ADGRB1: variants seen among roughly 807,000 people sequenced by gnomAD.
The protein encoded by ADGRB1 is brain-specific angiogenesis inhibitor 1.
A neutral mutation model predicts 175.7 loss-of-function variants in ADGRB1; 36 were observed. The observed-to-expected ratio is 0.20, with a 90% CI of 0.16 to 0.27. The LOEUF (loss-of-function observed/expected upper bound fraction) is 0.27, where lower values mean the gene tolerates loss of function less well. Among genes scored for constraint, ADGRB1 ranks in the 10% least tolerant of loss-of-function variants. The pLI is 1.00. For synonymous variants in ADGRB1, 1,054 were observed against 979.4 expected (o/e 1.08, Z -1.42); for missense variants, 1,731 against 2,255.3 (o/e 0.77, Z 4.71).
At chr8:142,469,151 GCGTGCA>G (rs1232496090) in intron 2 of ADGRB1, among the ~76,000 whole-genome samples, 2 of 21,194 alleles carry the variant, frequency 9.4e-5, no homozygotes, top group Admixed American at 6.3e-4. Context: ...GTGTGTGCAT[GCGTGCA>G]TGTGTGTGTG....
Position 142,527,714 on chromosome 8 carries a change from C to T in ADGRB1, c.3398+1087C>T, listed in dbSNP as rs143172120. ...CACTCAGAAGAGGTCCCCAGGGCTA[C>T]ACATCCAGGGTCTGAGCATGGCAGA... On this transcript the variant is annotated intron_variant, in intron 24 of 30. Transcript: ENST00000517894. Among the ~76,000 whole-genome samples the T allele has an allele frequency of 2.2e-3, 340 of 152,342 alleles. 1 individual carries two copies. Among genetic ancestry groups the T allele is most frequent in the African/African-American group, 7.6e-3 (316 of 41,578 alleles).
At chr8:142,501,698 G>A (rs1587358050) in intron 17 of ADGRB1, among the ~76,000 whole-genome samples, 1 of 126,130 alleles carries the variant, frequency 7.9e-6, no homozygotes, top group Non-Finnish European at 1.7e-5. Context: ...GATGGAGGTG[G>A]GGTGGTGGTG....
intron 24 of ADGRB1, 133 bp from the exon 25 acceptor site, chr8:142,533,162 G>T: frequency 9.6e-7 from 1 of 1,043,706 alleles, no homozygotes; most frequent in Non-Finnish European, 1.3e-6. Flanking sequence ...AGGGCTGCTT[G>T]GCCCAGGCCC....
intron 20 of ADGRB1, 108 bp downstream of exon 20, chr8:142,521,033 G>T: frequency 9.0e-7 from 1 of 1,108,956 alleles, no homozygotes; most frequent in Non-Finnish European, 1.3e-6. Flanking sequence ...CAGGCAGGCG[G>T]GTGTGGGGGC....
intron 23 of ADGRB1, among the ~76,000 whole-genome samples, chr8:142,525,717 G>A (rs1037752404): frequency 2.0e-5 from 3 of 152,210 alleles, no homozygotes; most frequent in African/African-American, 7.2e-5. Flanking sequence ...GAAATGCCTG[G>A]TCAGGGGTCC....
At chr8:142,461,788 G>A (rs1384872780) in intron 1 of ADGRB1, among the ~76,000 whole-genome samples, 1 of 152,192 alleles carries the variant, frequency 6.6e-6, no homozygotes, top group Non-Finnish European at 1.5e-5. Context: ...ATTGCCTGGG[G>A]CCTCCTTTGC....
Position 142,484,026 on chromosome 8 carries a change from A to T in ADGRB1, c.2180A>T (p.Lys727Met), listed in dbSNP as rs1197819609. The T allele has an allele frequency of 6.2e-7, 1 of 1,612,846 alleles. No individual in the cohort carries two copies. The highest frequency in any genetic ancestry group is 1.7e-5 in the Admixed American group (1 of 59,852). ...SNLLAEENRD[K>M]WEEAQLAGPN... ...CTGTTGGCAGAGGAGAATCGGGACA[A>T]GTGGGAGGAGGCCCAGCTGGTAGGG... The change falls in exon 12 of 31, where the codon AAG (lysine) becomes ATG (methionine). Residue 727 changes from lysine (K) to methionine (M), a missense_variant. Physicochemically the swap from Lys to Met is moderately conservative, Grantham distance 95. Around this residue, in one of 8 missense-constraint regions of ADGRB1, gnomAD observed 388 missense variants for 630.9 expected, o/e 0.61. Coordinates refer to ENST00000517894, the MANE Select transcript of ADGRB1 (RefSeq NM_001702.3).
intron 3 of ADGRB1, 66 bp from the exon 4 acceptor site, chr8:142,476,519 G>A: frequency 2.1e-6 from 3 of 1,434,176 alleles, no homozygotes; most frequent in Non-Finnish European, 2.9e-6. Flanking sequence ...TCAGAGCACT[G>A]TGGCCACAGA....
chr8:142,544,596 G>A lies in ADGRB1; in HGVS notation c.*179G>A. On this transcript the variant is annotated 3_prime_UTR_variant, in exon 31 of 31. Coordinates refer to ENST00000517894, the MANE Select transcript of ADGRB1 (RefSeq NM_001702.3). ...AGTGCTGGGACCAGAGCCAGATGCA[G>A]GACAGGAGGCGGCCCGGCCAGCGGG... is the stretch of plus-strand genomic sequence containing the variant. 1 of 712,036 alleles carries A rather than the reference G, an allele frequency of 1.4e-6. No homozygotes were observed. The highest frequency in any genetic ancestry group is 2.0e-6 in the Non-Finnish European group (1 of 494,290). The allele number at this position is 712,036 out of a possible 1,614,324, so 44.1% of individuals were successfully genotyped here. A position where few individuals can be genotyped will look rare whatever the true frequency, so the allele number is the denominator to read the frequency against.
rs1364617878 is a variant in ADGRB1 at position 142,510,810 on chromosome 8, GCGGGGCGGCGGGC to G, written c.2676-115_2676-103del. ...CGGGCGCGCGGCTGCGGGCGCAGGT[GCGGGGCGGCGGGC>G]CGGGGCCGGGGCCGGGGCGCGGAGC... On this transcript the variant is annotated intron_variant, in intron 17 of 30. Coordinates refer to ENST00000517894, the MANE Select transcript of ADGRB1 (RefSeq NM_001702.3). This position sits in a 1 kb window ranked among gnomAD's most constrained non-coding sequence, Gnocchi z 6.3. The G allele has an allele frequency of 1.7e-5, 6 of 345,294 alleles. No homozygotes were observed. The allele number at this position is 345,294 out of a possible 1,614,324, so 21.4% of individuals were successfully genotyped here. A position where few individuals can be genotyped will look rare whatever the true frequency, so the allele number is the denominator to read the frequency against.
At chr8:142,526,672 AC>A in intron 24 of ADGRB1, 45 bp downstream of exon 24, 1 of 1,556,714 alleles carries the variant, frequency 6.4e-7, no homozygotes, top group Non-Finnish European at 8.8e-7. Flanking sequence ...GGAGTGCAAG[AC>A]CCAGAGCCCA....
chr8:142,543,470 T>C lies in ADGRB1; in HGVS notation c.4449+32T>C. 1 of 1,613,178 alleles carries C rather than the reference T, an allele frequency of 6.2e-7. No homozygotes were observed. The highest frequency in any genetic ancestry group is 8.5e-7 in the Non-Finnish European group (1 of 1,179,564). ...TCTGGTGTCCCCCCCCACCAGACAC[T>C]TAGGGCCAGATGTGCTCTGGGCTCC... On this transcript the variant is annotated intron_variant, in intron 29 of 30. Coordinates refer to ENST00000517894, the MANE Select transcript of ADGRB1 (RefSeq NM_001702.3). The surrounding 1 kb of genome is among the most constrained non-coding windows in gnomAD (Gnocchi z 4.4).
intron 2 of ADGRB1, among the ~76,000 whole-genome samples, chr8:142,475,106 C>T (rs919541150): frequency 2.0e-5 from 3 of 152,174 alleles, no homozygotes; most frequent in Non-Finnish European, 2.9e-5. Context: ...GGCTTCCAGG[C>T]GTGCCAGGAA....
chr8:142,462,054 AG>A (rs1049844090), intron 1 of ADGRB1, among the ~76,000 whole-genome samples: 4 of 152,084 alleles, frequency 2.6e-5, no homozygotes, highest in Non-Finnish European at 5.9e-5. Context: ...GCCTTGTCCA[AG>A]CCCACCCAGC....
intron 2 of ADGRB1, among the ~76,000 whole-genome samples, chr8:142,468,039 GGT>G (rs1368494159): frequency 6.6e-6 from 1 of 152,252 alleles, no homozygotes; most frequent in Non-Finnish European, 1.5e-5. Flanking sequence ...CTCAGAAAGA[GGT>G]GGGAGGATGT....
intron 11 of ADGRB1, among the ~76,000 whole-genome samples, chr8:142,482,850 G>T (rs918932975): frequency 1.6e-5 from 2 of 126,424 alleles, no homozygotes; most frequent in African/African-American, 3.0e-5. Context: ...TCCTGGTCAC[G>T]CACTGAGCCC....
In ADGRB1 at chr8:142,464,775, C is replaced by A. The variant is rs1303786616; in HGVS notation, c.577C>A (p.Leu193Met). 2.0e-6 allele frequency: 3 copies of A among 1,535,232 alleles called. No individual in the cohort carries two copies. The highest frequency in any genetic ancestry group is 4.9e-5 in the East Asian group (2 of 40,576). The change falls in exon 2 of 31, where the codon CTG (leucine) becomes ATG (methionine). Residue 193 changes from leucine (L) to methionine (M), a missense_variant. Transcript: ENST00000517894. ...RAACQMLCRW[L>M]DACLAGSRSS... ...CGCCTGCCAGATGCTGTGCCGCTGG[C>A]TGGACGCGTGTCTGGCCGGTAGTCG... is the stretch of plus-strand genomic sequence containing the variant.
At position 142,488,296 on chromosome 8, in the gene ADGRB1, G is replaced by C. The variant is rs1467948002; in HGVS notation, c.2309-68G>C. 2.0e-5 allele frequency: 32 copies of C among 1,586,038 alleles called. No individual in the cohort carries two copies. The East Asian group carries it at 6.7e-4, about 33-fold the overall frequency. ...CCAGGCCTGCACCTCAACTCCCGCA[G>C]CTGAGGCCCCGCCACATCTGTGACT... On this transcript the variant is annotated intron_variant, in intron 13 of 30. Transcript: ENST00000517894.
chr8:142,457,011 CA>C (rs973386482), intron 1 of ADGRB1, among the ~76,000 whole-genome samples: 11 of 152,226 alleles, frequency 7.2e-5, no homozygotes, highest in African/African-American at 2.7e-4. Context: ...AACCTCAGTG[CA>C]GCAGGGCGGG....
Sources: gnomAD v4.1 joint callset for allele counts (sites outside exome capture counted in the v4.1 genomes callset) on GRCh38, gnomAD v4.1.1 for gene constraint, gnomAD v4.1.1 regional missense constraint, Gnocchi (gnomAD v3.1) non-coding constraint, MANE v1.5 for transcripts, NCBI Gene and HGNC (gene_info 2026-07-23, HGNC 2026-07-21) for gene names.